Variants in DAAM1 observed in about 807,000 individuals in gnomAD.
The protein encoded by DAAM1 is dishevelled associated activator of morphogenesis 1, also known as disheveled-associated activator of morphogenesis 1.
In DAAM1, 52 loss-of-function variants were observed where a neutral mutation model predicts 130.0. That is an observed-to-expected ratio of 0.40 (90% CI 0.32 to 0.50). DAAM1 has a LOEUF of 0.50. Ranked by LOEUF, DAAM1 falls within the 20% of genes least tolerant of loss-of-function variation. The probability of loss-of-function intolerance (pLI) is 0.61; values close to 1 mark genes in which losing one functional copy is unlikely to be tolerated. For missense variants in DAAM1, 1,134 were observed against 1,303.8 expected (o/e 0.87, Z 2.01); for synonymous variants, 452 against 444.5 (o/e 1.02, Z -0.21).
intron 3 of DAAM1, among the ~76,000 whole-genome samples, chr14:59,294,815 G>A (rs1051814377): frequency 8.5e-5 from 13 of 152,166 alleles, no homozygotes; most frequent in South Asian, 4.1e-4. Flanking sequence ...ACAAAAAGGC[G>A]TCTGGCCATG....
chr14:59,262,182 T>C (rs1882194332), intron 1 of DAAM1, among the ~76,000 whole-genome samples: 1 of 152,218 alleles, frequency 6.6e-6, no homozygotes, highest in Admixed American at 6.5e-5. Flanking sequence ...CTTTTTCTAA[T>C]CTTATTCCAC....
At chr14:59,258,538 A>G (rs1472716634) in intron 1 of DAAM1, among the ~76,000 whole-genome samples, 7 of 152,164 alleles carry the variant, frequency 4.6e-5, no homozygotes, top group Non-Finnish European at 7.4e-5. Context: ...GGGTGCGAAT[A>G]TGCATATTAA....
chr14:59,344,951 A>ATT (rs113522024), intron 16 of DAAM1, among the ~76,000 whole-genome samples: 7 of 149,314 alleles, frequency 4.7e-5, no homozygotes, highest in African/African-American at 9.8e-5. Flanking sequence ...CACAGAACTA[A>ATT]TTTTTTTTTT....
At chr14:59,232,871 T>C (rs1314598) in intron 1 of DAAM1, among the ~76,000 whole-genome samples, 19,676 of 152,006 alleles carry the variant, frequency 0.13, 1,478 homozygotes, top group Middle Eastern at 0.19. Flanking sequence ...CAGCTCCCAC[T>C]TATGAGTGAG....
intron 17 of DAAM1, among the ~76,000 whole-genome samples, chr14:59,348,296 G>A (rs899393936): frequency 4.6e-5 from 7 of 152,212 alleles, no homozygotes; most frequent in African/African-American, 1.4e-4. Context: ...CAAGCAGCCA[G>A]TATTTCTATA....
chr14:59,291,383 A>G (rs954765002), intron 3 of DAAM1, 77 bp downstream of exon 3: 1 of 1,157,326 alleles, frequency 8.6e-7, no homozygotes, highest in African/African-American at 1.5e-5. Flanking sequence ...CACCACTAGA[A>G]TTGGACAGCT....
intron 1 of DAAM1, among the ~76,000 whole-genome samples, chr14:59,230,415 CAAATT>C (rs1182005053): frequency 6.6e-6 from 1 of 151,300 alleles, no homozygotes; most frequent in Non-Finnish European, 1.5e-5. Context: ...TCTATCCAAA[CAAATT>C]AAATACTTAA....
intron 4 of DAAM1, among the ~76,000 whole-genome samples, chr14:59,318,316 G>C (rs1884869394): frequency 6.6e-6 from 1 of 151,666 alleles, no homozygotes. Flanking sequence ...TGACCTCTGG[G>C]CCACATTTGT....
chr14:59,208,811 C>T (rs552818759), intron 1 of DAAM1, among the ~76,000 whole-genome samples: 49 of 152,168 alleles, frequency 3.2e-4, no homozygotes, highest in African/African-American at 8.2e-4. Context: ...CCCTTGGTGA[C>T]GAGTGGGTTC....
At chr14:59,216,404 AAAAG>A (rs1888581133) in intron 1 of DAAM1, among the ~76,000 whole-genome samples, 1 of 152,164 alleles carries the variant, frequency 6.6e-6, no homozygotes, top group African/African-American at 2.4e-5. Context: ...AGTAGGCAAA[AAAAG>A]GATTTTAATC....
rs75007492 is a variant in DAAM1, at chr14:59,247,090, G to C, written c.-37-16351G>C. Among the ~76,000 whole-genome samples the C allele has an allele frequency of 7.2e-3, 1,094 of 152,242 alleles. 15 individuals carry two copies. The highest frequency in any genetic ancestry group is 0.026 in the African/African-American group (1,061 of 41,538). Reference sequence around the variant, plus strand: ...ATGTATGATGTAAGATAAGGGTCCAGCCTCATTCTTTTGCATGCAGATATT... The same window carrying C: ...ATGTATGATGTAAGATAAGGGTCCACCCTCATTCTTTTGCATGCAGATATT... On this transcript the variant is annotated intron_variant, in intron 1 of 24. Coordinates refer to ENST00000360909, the MANE Select transcript of DAAM1 (RefSeq NM_001270520.2).
At chr14:59,262,306 A>G (rs888991850) in intron 1 of DAAM1, among the ~76,000 whole-genome samples, 2 of 152,228 alleles carry the variant, frequency 1.3e-5, no homozygotes, top group African/African-American at 2.4e-5. Flanking sequence ...CAATGGCATC[A>G]TGCTATGCCT....
intron 3 of DAAM1, among the ~76,000 whole-genome samples, chr14:59,314,090 A>T (rs1376850383): frequency 6.6e-6 from 1 of 152,172 alleles, no homozygotes; most frequent in African/African-American, 2.4e-5. Context: ...AGATTTGCTT[A>T]CAGAAAGTGT....
intron 1 of DAAM1, among the ~76,000 whole-genome samples, chr14:59,222,268 T>A (rs1005818660): frequency 7.2e-5 from 11 of 152,214 alleles, no homozygotes; most frequent in Non-Finnish European, 5.9e-5. Flanking sequence ...ACTATGATGG[T>A]GAATAGGGCA....
chr14:59,343,757 G>A (rs1487397392), intron 16 of DAAM1, among the ~76,000 whole-genome samples: 1 of 152,212 alleles, frequency 6.6e-6, no homozygotes, highest in Non-Finnish European at 1.5e-5. Flanking sequence ...CAGGGAGGAG[G>A]TGCCAGCACT....
intron 1 of DAAM1, among the ~76,000 whole-genome samples, chr14:59,207,837 C>T (rs1888309876): frequency 6.6e-6 from 1 of 152,158 alleles, no homozygotes; most frequent in African/African-American, 2.4e-5. Flanking sequence ...TCTCTTTTGC[C>T]CACTTCTAAA....
At chr14:59,315,233 G>C (rs768093118) in intron 3 of DAAM1, 47 bp from the exon 4 acceptor site, 2 of 1,553,344 alleles carry the variant, frequency 1.3e-6, no homozygotes, top group Admixed American at 1.7e-5. Flanking sequence ...TCTAGGTGCT[G>C]TGTGTATATG....
chr14:59,288,856 A>AGAGAGAGAGAGAGAGAGC (rs1883580470), intron 2 of DAAM1, among the ~76,000 whole-genome samples: 1 of 146,396 alleles, frequency 6.8e-6, no homozygotes, highest in Non-Finnish European at 1.5e-5. Flanking sequence ...AGAGAGAGAG[A>AGAGAGAGAGAGAGAGAGC]GAGAGCGCGC....
intron 1 of DAAM1, among the ~76,000 whole-genome samples, chr14:59,189,894 A>G (rs1391030261): frequency 6.6e-5 from 10 of 151,996 alleles, no homozygotes; most frequent in Admixed American, 1.3e-4. Context: ...CCTGAACTCC[A>G]TTCCCCTCTC....
Sources: gnomAD v4.1 joint callset for allele counts (sites outside exome capture counted in the v4.1 genomes callset) on GRCh38, gnomAD v4.1.1 for gene constraint, MANE v1.5 for transcripts, NCBI Gene and HGNC (gene_info 2026-07-23, HGNC 2026-07-21) for gene names.